Variants in RPN1 observed in about 807,000 individuals in gnomAD.
The protein encoded by RPN1 is dolichyl-diphosphooligosaccharide--protein glycosyltransferase subunit 1.
RPN1 carries 12 observed loss-of-function variants against 55.5 expected under a neutral mutation model. That is an observed-to-expected ratio of 0.22 (90% CI 0.14 to 0.35). RPN1 has a LOEUF of 0.35. RPN1 is among the 10% of genes least tolerant of loss of function. RPN1 has a pLI of 1.00. For synonymous variants in RPN1, 317 were observed against 305.9 expected (o/e 1.04, Z -0.38); for missense variants, 679 against 761.3 (o/e 0.89, Z 1.27).
intron 3 of RPN1, among the ~76,000 whole-genome samples, chr3:128,635,667 A>G (rs1248722894): frequency 8.7e-6 from 1 of 115,410 alleles, no homozygotes; most frequent in Non-Finnish European, 1.7e-5. Context: ...ATATATATAG[A>G]TATCTATAGA....
chr3:128,623,484 G>A (rs2069575230), intron 8 of RPN1, among the ~76,000 whole-genome samples: 1 of 152,106 alleles, frequency 6.6e-6, no homozygotes, highest in Non-Finnish European at 1.5e-5. Context: ...GCTGCAGTGA[G>A]CCCTGATCGT....
rs374113354 is a variant in RPN1, at chr3:128,634,563, CT to C, written c.634-2407del. On this transcript the variant is annotated intron_variant, in intron 3 of 9. Coordinates refer to ENST00000296255, the MANE Select transcript of RPN1 (RefSeq NM_002950.4). ...TTTTTGCCAAATGGTCTCCATAAAC[CT>C]TTTTTTTTTTTTTTTTGAGACAAAC... 7.3e-3 allele frequency among the ~76,000 whole-genome samples: 990 copies of C among 135,590 alleles called. 1 individual carries two copies. Among genetic ancestry groups the C allele is most frequent in the African/African-American group, 0.018 (651 of 36,612 alleles). 89.0% of individuals were successfully genotyped at this position (135,590 alleles called of 152,430 possible).
At chr3:128,631,073 A>G (rs1364065700) in intron 4 of RPN1, among the ~76,000 whole-genome samples, 1 of 147,258 alleles carries the variant, frequency 6.8e-6, no homozygotes, top group African/African-American at 2.5e-5. Flanking sequence ...AGATCGTGCC[A>G]CTACACTCCA....
rs557306449 is a variant in RPN1, at chr3:128,646,934, C to T, written c.262-1951G>A. 1.7e-4 allele frequency among the ~76,000 whole-genome samples: 26 copies of T among 151,252 alleles called. No homozygotes were observed. The East Asian group carries it at 4.9e-3, about 28-fold the overall frequency. ...GTTGCAGTGAGCTGAGATCGTGCCA[C>T]TGCACTCCAGCCTGGGCAACAGAGT... On this transcript the variant is annotated intron_variant, in intron 1 of 9. Coordinates refer to ENST00000296255, the MANE Select transcript of RPN1 (RefSeq NM_002950.4).
intron 2 of RPN1, among the ~76,000 whole-genome samples, chr3:128,639,691 G>T (rs1274404643): frequency 2.0e-5 from 3 of 151,800 alleles, no homozygotes; most frequent in African/African-American, 7.2e-5. Flanking sequence ...GGGTTCAAGT[G>T]ATTCTCCTAC....
At position 128,637,907 on chromosome 3, in the gene RPN1, C is replaced by A. The variant is rs1277941554; in HGVS notation, c.525G>T (p.Val175=). 2 of 1,614,182 alleles carry A rather than the reference C, an allele frequency of 1.2e-6. No individual in the cohort carries two copies. Among genetic ancestry groups the A allele is most frequent in the Non-Finnish European group, 1.7e-6 (2 of 1,180,036 alleles). ...PYPTKTQTMR[V]KLASRNVESY... is the part of the protein sequence containing the mutation. ...TCTCCACATTTCGAGAGGCAAGCTT[C>A]ACACGCATGGTTTGTGTCTTCGTTG... is the stretch of plus-strand genomic sequence containing the variant. Residue 175 remains valine, a synonymous_variant, in exon 3 of 10, where the codon GTG becomes GTT. Coordinates refer to ENST00000296255, the MANE Select transcript of RPN1 (RefSeq NM_002950.4).
Position 128,638,083 on chromosome 3 carries a change from G to A in RPN1, c.349C>T (p.Leu117Phe). 6.2e-7 allele frequency: 1 copy of A among 1,613,126 alleles called. No individual in the cohort carries two copies. The highest frequency in any genetic ancestry group is 1.3e-5 in the African/African-American group (1 of 75,024). Residue 117 changes from leucine (L) to phenylalanine (F), a missense_variant, in exon 3 of 10, where the codon CTC becomes TTC. Leu to Phe is a conservative substitution (Grantham distance 22). This residue lies in a region of RPN1 where 352 missense variants were observed against 352.8 expected (regional missense o/e 1.00). Transcript: ENST00000296255. The stretch of plus-strand genomic sequence containing the variant: ...GCCCCAGGATCAAGAGCAACTGGGA[G>A]CTTGACTGTGAAGAATCTCCCACTA... The part of the protein sequence containing the change: ...GKSGRFFTVK[L>F]PVALDPGAKI...
chr3:128,624,369 A>G (rs547812666), intron 8 of RPN1, among the ~76,000 whole-genome samples: 1 of 152,196 alleles, frequency 6.6e-6, no homozygotes, highest in African/African-American at 2.4e-5. Context: ...AGTCCCAGCT[A>G]TTCGAGAGGC....
rs771046063 is a variant in RPN1, at chr3:128,626,762, A to G, written c.1107T>C (p.Thr369=). The G allele has an allele frequency of 1.9e-6, 3 of 1,614,180 alleles. No individual in the cohort carries two copies. The highest frequency in any genetic ancestry group is 2.5e-6 in the Non-Finnish European group (3 of 1,180,034). ...CTCCTTCAGGCAGGATGATCTTCAC[A>G]GTCAGAGAATCTATCACTTGTTCAT... The part of the protein sequence containing the change: ...VFDEQVIDSL[T]VKIILPEGAK... The change falls in exon 6 of 10, where the codon ACT becomes ACC. Residue 369 remains threonine (T), a synonymous_variant. Transcript: ENST00000296255.
intron 2 of RPN1, among the ~76,000 whole-genome samples, chr3:128,640,154 G>A (rs553910205): frequency 5.4e-4 from 82 of 151,940 alleles, no homozygotes; most frequent in Non-Finnish European, 1.0e-3. Context: ...CCTGGGTGAC[G>A]GAGCGAGAAT....
chr3:128,628,892 G>C (rs1014177270), intron 5 of RPN1, among the ~76,000 whole-genome samples: 1 of 152,126 alleles, frequency 6.6e-6, no homozygotes, highest in African/African-American at 2.4e-5. Flanking sequence ...TGAGGCAAGA[G>C]AATCGCTTGA....
chr3:128,625,429 T>G (rs973717318), intron 8 of RPN1, 105 bp downstream of exon 8: 1 of 1,558,046 alleles, frequency 6.4e-7, no homozygotes, highest in Non-Finnish European at 8.8e-7. Context: ...AGGGGTCTTT[T>G]GGCCATGGCG....
In RPN1 at chr3:128,632,126, CTGT is replaced by C; in HGVS notation, c.662_664del (p.Asn221del). On this transcript the variant is annotated inframe_deletion, in exon 4 of 10. Coordinates refer to ENST00000296255, the MANE Select transcript of RPN1 (RefSeq NM_002950.4). ...CATGCTGGTGATGGTCAGGAAAGGG[CTGT>C]TGTTCTCATAATGTACTTTAAAAGT... is the stretch of plus-strand genomic sequence containing the variant. 1 of 1,614,176 alleles carries C rather than the reference CTGT, an allele frequency of 6.2e-7. No homozygotes were observed. The highest frequency in any genetic ancestry group is 8.5e-7 in the Non-Finnish European group (1 of 1,180,030).
At chr3:128,648,556 G>A (rs1223962434) in intron 1 of RPN1, among the ~76,000 whole-genome samples, 6 of 150,744 alleles carry the variant, frequency 4.0e-5, no homozygotes, top group Non-Finnish European at 5.9e-5. Context: ...GTGAAACTCC[G>A]TCTCAAAAAA....
At chr3:128,623,427 A>G (rs2069574771) in intron 8 of RPN1, among the ~76,000 whole-genome samples, 1 of 152,088 alleles carries the variant, frequency 6.6e-6, no homozygotes, top group Non-Finnish European at 1.5e-5. Flanking sequence ...AGTCCCAGCT[A>G]CTCAGGGAGC....
rs371389766 is a variant in RPN1 at position 128,622,445 on chromosome 3, C to T, written c.1396-36G>A. On this transcript the variant is annotated intron_variant, in intron 8 of 9. Transcript: ENST00000296255. ...GAGAGGCACCATGTGTGACAACATC[C>T]AGGCTTGGGTCCACTCTGACCTTAT... 20 of 1,612,228 alleles carry T rather than the reference C, an allele frequency of 1.2e-5. 1 individual carries two copies. Among genetic ancestry groups the T allele is most frequent in the Non-Finnish European group, 1.4e-5 (17 of 1,179,238 alleles).
chr3:128,632,279 T>A, intron 3 of RPN1, 122 bp from the exon 4 acceptor site: 1 of 770,486 alleles, frequency 1.3e-6, no homozygotes, highest in Non-Finnish European at 2.1e-6. Flanking sequence ...ATGATGTATC[T>A]AACGTATGCA....
chr3:128,629,239 G>A (rs1313749044), intron 5 of RPN1, among the ~76,000 whole-genome samples: 1 of 151,968 alleles, frequency 6.6e-6, no homozygotes, highest in African/African-American at 2.4e-5. Flanking sequence ...ATGGTTTTCT[G>A]TATCTTATTT....
chr3:128,625,291 C>T (rs1347764720), intron 8 of RPN1, among the ~76,000 whole-genome samples: 4 of 152,050 alleles, frequency 2.6e-5, no homozygotes. Flanking sequence ...TTTTTCCTAC[C>T]TCAACTGAGC....
Sources: gnomAD v4.1 joint callset for allele counts (sites outside exome capture counted in the v4.1 genomes callset) on GRCh38, gnomAD v4.1.1 for gene constraint, gnomAD v4.1.1 regional missense constraint, MANE v1.5 for transcripts, NCBI Gene and HGNC (gene_info 2026-07-23, HGNC 2026-07-21) for gene names.